CDK14: variants seen among roughly 807,000 people sequenced by gnomAD.
CDK14 encodes the protein cyclin dependent kinase 14.
CDK14 carries 34 observed loss-of-function variants against 60.7 expected under a neutral mutation model. The observed-to-expected ratio is 0.56, with a 90% CI of 0.43 to 0.75. The LOEUF (loss-of-function observed/expected upper bound fraction) is 0.75. CDK14 is among the 30% of genes least tolerant of loss of function. The probability of loss-of-function intolerance (pLI) is 0.00; values close to 1 mark genes in which losing one functional copy is unlikely to be tolerated. For synonymous variants in CDK14, 197 were observed against 203.7 expected (o/e 0.97, Z 0.28); for missense variants, 482 against 564.1 (o/e 0.85, Z 1.47).
At chr7:90,893,510 AG>A (rs1412229559) in intron 6 of CDK14, among the ~76,000 whole-genome samples, 1 of 152,242 alleles carries the variant, frequency 6.6e-6, no homozygotes, top group Non-Finnish European at 1.5e-5. Context: ...TGTTCTGTTC[AG>A]AACTTTATAA....
intron 2 of CDK14, among the ~76,000 whole-genome samples, chr7:90,669,126 C>T (rs1801049786): frequency 6.8e-6 from 1 of 147,522 alleles, no homozygotes; most frequent in Non-Finnish European, 1.5e-5. Context: ...ATCCCATCTC[C>T]TCCTCCTCCA....
At chr7:90,759,221 C>T (rs140551136) in intron 4 of CDK14, among the ~76,000 whole-genome samples, 2,339 of 152,186 alleles carry the variant, frequency 0.015, 20 homozygotes, top group Middle Eastern at 0.027. Flanking sequence ...TTAAATCAAG[C>T]TTCCCTCATC....
chr7:90,983,776 C>T (rs754370539), intron 9 of CDK14, among the ~76,000 whole-genome samples: 30 of 151,948 alleles, frequency 2.0e-4, no homozygotes, highest in Non-Finnish European at 8.8e-5. Context: ...AACAGGAAAC[C>T]AAATACTGCA....
intron 4 of CDK14, among the ~76,000 whole-genome samples, chr7:90,765,735 G>T (rs777755515): frequency 2.0e-5 from 3 of 152,074 alleles, no homozygotes; most frequent in Middle Eastern, 3.4e-3. Context: ...AGTGAGGCAG[G>T]GAAAGAAAAG....
intron 3 of CDK14, among the ~76,000 whole-genome samples, chr7:90,742,995 T>C (rs1803415889): frequency 6.6e-6 from 1 of 152,146 alleles, no homozygotes; most frequent in Non-Finnish European, 1.5e-5. Flanking sequence ...TTATGTTTCA[T>C]ATATAGCTTA....
intron 14 of CDK14, among the ~76,000 whole-genome samples, chr7:91,163,562 A>G (rs1490044960): frequency 6.6e-6 from 1 of 152,228 alleles, no homozygotes; most frequent in Non-Finnish European, 1.5e-5. Context: ...GAATGATTAA[A>G]TCAAGCTAAT....
intron 14 of CDK14, among the ~76,000 whole-genome samples, chr7:91,131,255 A>G (rs1800108243): frequency 6.6e-6 from 1 of 152,030 alleles, no homozygotes; most frequent in Non-Finnish European, 1.5e-5. Flanking sequence ...CTGTTCAGGT[A>G]TTTTGCAGAA....
chr7:91,080,770 T>G (rs62468505), intron 12 of CDK14, among the ~76,000 whole-genome samples: 1,902 of 152,306 alleles, frequency 0.012, 22 homozygotes, highest in Middle Eastern at 0.024. Flanking sequence ...GATAAAGCCA[T>G]TGAATCTCTA....
At chr7:90,699,296 A>G (rs535023400) in intron 2 of CDK14, among the ~76,000 whole-genome samples, 2 of 152,334 alleles carry the variant, frequency 1.3e-5, no homozygotes, top group East Asian at 3.9e-4. Context: ...CCAGGATGGG[A>G]GTCTGTGGTT....
chr7:91,097,824 C>T (rs1467126323), intron 12 of CDK14, among the ~76,000 whole-genome samples: 10 of 152,162 alleles, frequency 6.6e-5, no homozygotes, highest in African/African-American at 1.4e-4. Context: ...ATCGCTAGCA[C>T]GTAGTAAACC....
At chr7:91,032,468 C>G (rs907835984) in intron 10 of CDK14, among the ~76,000 whole-genome samples, 5 of 152,054 alleles carry the variant, frequency 3.3e-5, no homozygotes, top group African/African-American at 1.2e-4. Context: ...AGTTGAGGGT[C>G]GTGAAATGGG....
chr7:90,754,048 T>TG, intron 4 of CDK14, among the ~76,000 whole-genome samples: 1 of 152,346 alleles, frequency 6.6e-6, no homozygotes, highest in South Asian at 2.1e-4. Context: ...AAAATGGCCA[T>TG]GCTGCCCAAT....
At chr7:90,729,797 C>T (rs1394425836) in intron 3 of CDK14, among the ~76,000 whole-genome samples, 1 of 152,004 alleles carries the variant, frequency 6.6e-6, no homozygotes, top group African/African-American at 2.4e-5. Context: ...GCTTCGTTTT[C>T]TCTTTCAGCA....
intron 2 of CDK14, among the ~76,000 whole-genome samples, chr7:90,714,808 C>T (rs1178203122): frequency 6.6e-6 from 1 of 151,968 alleles, no homozygotes; most frequent in East Asian, 1.9e-4. Context: ...TGACATCAAC[C>T]ACTAAATTAT....
chr7:90,694,038 G>A (rs988339119), intron 2 of CDK14, among the ~76,000 whole-genome samples: 1 of 152,192 alleles, frequency 6.6e-6, no homozygotes, highest in Non-Finnish European at 1.5e-5. Flanking sequence ...CATGACATGT[G>A]GATGTTCAAG....
intron 2 of CDK14, among the ~76,000 whole-genome samples, chr7:90,631,624 C>T (rs909559669): frequency 6.6e-6 from 1 of 152,088 alleles, no homozygotes; most frequent in African/African-American, 2.4e-5. Flanking sequence ...GTGTCTTGTT[C>T]AGCAGTTGGT....
intron 5 of CDK14, among the ~76,000 whole-genome samples, chr7:90,849,012 A>G (rs1334974029): frequency 2.0e-5 from 3 of 152,114 alleles, no homozygotes; most frequent in African/African-American, 4.8e-5. Flanking sequence ...TAAATTGTCT[A>G]CTTCCAGTTT....
intron 10 of CDK14, among the ~76,000 whole-genome samples, chr7:91,036,393 A>C (rs1164103207): frequency 6.6e-6 from 1 of 152,178 alleles, no homozygotes; most frequent in Non-Finnish European, 1.5e-5. Context: ...GGCTGTTATC[A>C]TTGTACACAA....
At chr7:90,612,814 A>G (rs1033268418) in intron 2 of CDK14, among the ~76,000 whole-genome samples, 1 of 149,788 alleles carries the variant, frequency 6.7e-6, no homozygotes, top group Non-Finnish European at 1.5e-5. Context: ...TACTTTCTGT[A>G]CTGTTTTATT....
Sources: allele counts gnomAD v4.1 joint callset (sites outside exome capture counted in the v4.1 genomes callset), GRCh38; gene constraint gnomAD v4.1.1; transcripts MANE v1.5; gene names NCBI Gene and HGNC (gene_info 2026-07-23, HGNC 2026-07-21).